The following ARHGAP28 variants were observed in gnomAD, a reference collection of about 807,000 sequenced individuals.
ARHGAP28 encodes Rho GTPase activating protein 28.
Under a neutral mutation model 90.7 loss-of-function variants are expected in ARHGAP28, and 56 were observed. That is an observed-to-expected ratio of 0.62 (90% CI 0.50 to 0.77). ARHGAP28 has a LOEUF of 0.77. Ranked by LOEUF, ARHGAP28 falls within the 30% of genes least tolerant of loss-of-function variation. The pLI, the probability that ARHGAP28 is intolerant of heterozygous loss-of-function variation, is 0.00. For missense variants in ARHGAP28, 869 were observed against 900.9 expected (o/e 0.96, Z 0.45); for synonymous variants, 308 against 323.3 (o/e 0.95, Z 0.51).
intron 1 of ARHGAP28, among the ~76,000 whole-genome samples, chr18:6,758,126 G>A (rs1459944418): frequency 1.3e-5 from 2 of 152,210 alleles, no homozygotes; most frequent in Non-Finnish European, 2.9e-5. Flanking sequence ...CTTTTGACCT[G>A]TGTCACTGCA....
chr18:6,739,693 G>A (rs2055958793), intron 1 of ARHGAP28, among the ~76,000 whole-genome samples: 1 of 148,432 alleles, frequency 6.7e-6, no homozygotes, highest in Admixed American at 6.7e-5. Context: ...AGGAGGGCAG[G>A]TTTTAATCCT....
At chr18:6,830,890 G>GAACAC (rs1421567654) in intron 2 of ARHGAP28, among the ~76,000 whole-genome samples, 1 of 152,146 alleles carries the variant, frequency 6.6e-6, no homozygotes, top group East Asian at 1.9e-4. Flanking sequence ...TGCTTACAAT[G>GAACAC]AATAATGCTG....
intron 3 of ARHGAP28, among the ~76,000 whole-genome samples, chr18:6,838,456 C>T (rs772778743): frequency 9.9e-5 from 15 of 152,128 alleles, no homozygotes; most frequent in Non-Finnish European, 1.8e-4. Flanking sequence ...GTTGCCAAGG[C>T]GGCTCATATA....
At chr18:6,758,430 T>C (rs2056131004) in intron 1 of ARHGAP28, among the ~76,000 whole-genome samples, 1 of 152,124 alleles carries the variant, frequency 6.6e-6, no homozygotes, top group Non-Finnish European at 1.5e-5. Flanking sequence ...TTCAAATGAT[T>C]CTCCAGCTGC....
chr18:6,842,170 G>A (rs771786725), intron 3 of ARHGAP28, among the ~76,000 whole-genome samples: 10 of 152,238 alleles, frequency 6.6e-5, no homozygotes, highest in South Asian at 2.1e-4. Flanking sequence ...GCAGCATAGC[G>A]AGACCATGTC....
intron 2 of ARHGAP28, among the ~76,000 whole-genome samples, chr18:6,826,117 G>GTT (rs35995654): frequency 0.023 from 3,128 of 138,356 alleles, 105 homozygotes; most frequent in African/African-American, 0.073. Context: ...CATTGCCAGT[G>GTT]TTTTTTTTTT....
intron 2 of ARHGAP28, chr18:6,836,294 C>T (rs948778148): frequency 6.6e-6 from 1 of 152,478 alleles, no homozygotes; most frequent in African/African-American, 2.4e-5. Flanking sequence ...ATCCGGGACA[C>T]TTGCAATCAA....
At chr18:6,866,292 C>T (rs1002652818) in intron 5 of ARHGAP28, among the ~76,000 whole-genome samples, 1 of 152,134 alleles carries the variant, frequency 6.6e-6, no homozygotes, top group African/African-American at 2.4e-5. Context: ...CACTGACTCT[C>T]CTGATTAATT....
At position 6,843,149 on chromosome 18, in the gene ARHGAP28, C is replaced by T. The variant is rs1007903746; in HGVS notation, c.543+5735C>T. 3.3e-5 allele frequency among the ~76,000 whole-genome samples: 5 copies of T among 152,062 alleles called. No individual in the cohort carries two copies. In the East Asian group the frequency reaches 5.8e-4, roughly 18 times the overall value. On this transcript the variant is annotated intron_variant, in intron 3 of 17. Transcript: ENST00000383472. Reference sequence around the variant, plus strand: ...ATTAATGTGCCTGGCATTTAGTAGGCGCTCAGCATGGGTTGATAAATTGCT... The same window carrying T: ...ATTAATGTGCCTGGCATTTAGTAGGTGCTCAGCATGGGTTGATAAATTGCT...
At chr18:6,788,971 G>T (rs1314618135) in intron 1 of ARHGAP28, 1 of 152,178 alleles carries the variant, frequency 6.6e-6, no homozygotes, top group East Asian at 1.9e-4. Context: ...ACCAACAAAG[G>T]CTTCAAAGGA....
intron 2 of ARHGAP28, among the ~76,000 whole-genome samples, chr18:6,829,147 G>T (rs1012205545): frequency 1.3e-5 from 2 of 152,294 alleles, no homozygotes; most frequent in African/African-American, 2.4e-5. Flanking sequence ...CCTATTACTT[G>T]CTTGCTTAGA....
intron 1 of ARHGAP28, among the ~76,000 whole-genome samples, chr18:6,772,409 T>C (rs2056250258): frequency 6.6e-6 from 1 of 152,210 alleles, no homozygotes; most frequent in African/African-American, 2.4e-5. Flanking sequence ...GTTCCTGACT[T>C]AGGATGGTTC....
chr18:6,841,190 T>TCTCTCTCTCTCTCCTCTC (rs1259100966), intron 3 of ARHGAP28, among the ~76,000 whole-genome samples: 3 of 66,540 alleles, frequency 4.5e-5, no homozygotes, highest in Non-Finnish European at 8.4e-5. Flanking sequence ...CCTCTCTCTC[T>TCTCTCTCTCTCTCCTCTC]CTCTCTCTCT....
chr18:6,818,791 A>G (rs1435303902), intron 1 of ARHGAP28, among the ~76,000 whole-genome samples: 3 of 152,230 alleles, frequency 2.0e-5, no homozygotes, highest in African/African-American at 7.2e-5. Context: ...TTTTAGAGAA[A>G]CTGAGGAAAG....
intron 1 of ARHGAP28, among the ~76,000 whole-genome samples, chr18:6,809,985 T>C (rs1412398548): frequency 6.6e-6 from 1 of 152,186 alleles, no homozygotes; most frequent in African/African-American, 2.4e-5. Flanking sequence ...AAATTTTTAG[T>C]CTTCTCTTTG....
intron 1 of ARHGAP28, among the ~76,000 whole-genome samples, chr18:6,819,068 T>A (rs1448747432): frequency 1.3e-5 from 2 of 152,218 alleles, no homozygotes; most frequent in African/African-American, 4.8e-5. Flanking sequence ...TAACTCGTTA[T>A]GTATAAACCT....
intron 5 of ARHGAP28, among the ~76,000 whole-genome samples, chr18:6,867,863 A>G (rs1324560278): frequency 6.6e-6 from 1 of 152,208 alleles, no homozygotes; most frequent in Non-Finnish European, 1.5e-5. Context: ...GTCAGGAATC[A>G]TAATCTCTAC....
intron 1 of ARHGAP28, among the ~76,000 whole-genome samples, chr18:6,742,838 G>A (rs772909979): frequency 1.3e-5 from 2 of 152,138 alleles, no homozygotes; most frequent in Non-Finnish European, 2.9e-5. Context: ...AGCCTGTGAC[G>A]GAGACCAACA....
chr18:6,826,502 T>A (rs958025137), intron 2 of ARHGAP28, among the ~76,000 whole-genome samples: 1 of 151,402 alleles, frequency 6.6e-6, no homozygotes, highest in African/African-American at 2.4e-5. Context: ...TAAAATAGAG[T>A]TTATATCATT....
Sources: gnomAD v4.1 joint callset for allele counts (sites outside exome capture counted in the v4.1 genomes callset) on GRCh38, gnomAD v4.1.1 for gene constraint, MANE v1.5 for transcripts, NCBI Gene and HGNC (gene_info 2026-07-23, HGNC 2026-07-21) for gene names.